Variants in LRP2 observed in about 807,000 individuals in gnomAD.
LRP2 encodes the protein LDL receptor related protein 2, also known as low-density lipoprotein receptor-related protein 2.
In LRP2, 172 loss-of-function variants were observed where a neutral mutation model predicts 531.0. That is an observed-to-expected ratio of 0.32 (90% CI 0.29 to 0.37). The LOEUF (loss-of-function observed/expected upper bound fraction) is 0.37. LRP2 is among the 10% of genes least tolerant of loss of function. LRP2 has a pLI of 1.00. For missense variants in LRP2, 5,167 were observed against 5,868.3 expected, an observed-to-expected ratio of 0.88 and a Z score of 3.90; for synonymous variants, 1,992 against 2,027.6, an observed-to-expected ratio of 0.98 and a Z score of 0.47.
Position 169,157,362 on chromosome 2 carries a change from A to G in LRP2, c.12019+9T>C, listed in dbSNP as rs1686369582. On this transcript the variant is annotated intron_variant, in intron 64 of 78. Coordinates refer to ENST00000649046, the MANE Select transcript of LRP2 (RefSeq NM_004525.3). ...CACCTAAACAGGAATTGGAAAAAAT[A>G]TACTCTACCTAGACAGGAGGTTCTG... The G allele has an allele frequency of 1.2e-6, 2 of 1,612,808 alleles. No individual in the cohort carries two copies. The highest frequency in any genetic ancestry group is 2.2e-5 in the South Asian group (2 of 91,008).
At chr2:169,303,445 AGGT>A (rs1410508648) in intron 4 of LRP2, among the ~76,000 whole-genome samples, 6 of 152,156 alleles carry the variant, frequency 3.9e-5, no homozygotes, top group Admixed American at 2.0e-4. Context: ...AAAGTGGGTA[AGGT>A]GGTGGCTGGT....
Position 169,185,527 on chromosome 2 carries a change from C to T in LRP2, c.9821G>A (p.Ser3274Asn), listed in dbSNP as rs780200412. The T allele has an allele frequency of 2.5e-6, 4 of 1,613,670 alleles. No homozygotes were observed. The highest frequency in any genetic ancestry group is 1.1e-5 in the South Asian group (1 of 91,082). The change falls in exon 50 of 79, where the codon AGT becomes AAT. Residue 3274 changes from serine to asparagine, a missense_variant. By Grantham distance (46) the Ser-to-Asn change is conservative. Around this residue, in one of 6 missense-constraint regions of LRP2, gnomAD observed 1,129 missense variants for 1,362.7 expected, o/e 0.83. Coordinates refer to ENST00000649046, the MANE Select transcript of LRP2 (RefSeq NM_004525.3). ...IINHRLPAAE[S>N]LAVDWVSRKL... Reference sequence around the variant, plus strand: ...CCTGGAAACCCAGTCTACAGCCAGACTTTCTGCAGCTGGTAGTCTGTGGTT... The same window carrying T: ...CCTGGAAACCCAGTCTACAGCCAGATTTTCTGCAGCTGGTAGTCTGTGGTT...
At chr2:169,142,595 A>G in intron 71 of LRP2, 79 bp downstream of exon 71, 1 of 1,597,026 alleles carries the variant, frequency 6.3e-7, no homozygotes, top group Non-Finnish European at 8.6e-7. Flanking sequence ...AGGACCCAGC[A>G]TACAGGGATT....
intron 75 of LRP2, among the ~76,000 whole-genome samples, chr2:169,138,247 C>A (rs1163254217): frequency 7.2e-5 from 11 of 152,134 alleles, no homozygotes; most frequent in Admixed American, 7.2e-4. Context: ...ATATAAAAGT[C>A]ATCAAATAAA....
intron 1 of LRP2, among the ~76,000 whole-genome samples, chr2:169,325,625 T>G (rs981536583): frequency 6.6e-6 from 1 of 152,174 alleles, no homozygotes; most frequent in Non-Finnish European, 1.5e-5. Context: ...GGTAACAAAT[T>G]GTATGGAGCA....
At chr2:169,140,693 G>C (rs901448295) in intron 71 of LRP2, 148 bp from the exon 72 acceptor site, 16 of 635,236 alleles carry the variant, frequency 2.5e-5, no homozygotes, top group Non-Finnish European at 4.2e-5. Flanking sequence ...CCTAAGTCCA[G>C]TGAGTTTCCT....
intron 4 of LRP2, among the ~76,000 whole-genome samples, chr2:169,302,014 T>C (rs1434135206): frequency 6.6e-6 from 1 of 152,128 alleles, no homozygotes; most frequent in Non-Finnish European, 1.5e-5. Flanking sequence ...AATATATTCA[T>C]TCCTATAGGC....
At chr2:169,247,092 C>T in intron 20 of LRP2, 106 bp from the exon 21 acceptor site, 1 of 1,320,912 alleles carries the variant, frequency 7.6e-7, no homozygotes, top group Non-Finnish European at 1.1e-6. Context: ...TTTTTCAGAC[C>T]CAATACTAAA....
chr2:169,171,514 G>A (rs4497843), intron 58 of LRP2, among the ~76,000 whole-genome samples: 15,086 of 152,104 alleles, frequency 0.099, 1,221 homozygotes, highest in African/African-American at 0.23. Context: ...TTAATTAACT[G>A]TTAGCCCTCC....
At position 169,311,566 on chromosome 2, in the gene LRP2, A is replaced by G. The variant is rs192510864; in HGVS notation, c.311-4169T>C. 3.9e-3 allele frequency among the ~76,000 whole-genome samples: 595 copies of G among 152,306 alleles called. 4 individuals are homozygous for G. Among genetic ancestry groups the G allele is most frequent in the African/African-American group, 0.014 (573 of 41,574 alleles). On this transcript the variant is annotated intron_variant, in intron 3 of 78. Transcript: ENST00000649046. ...TTGATTGCACTGTGGTCTGAGAGACAGTTTGTTATAATTTCTGTCCTTTTA... is the reference window on the plus strand; with the variant it reads ...TTGATTGCACTGTGGTCTGAGAGACGGTTTGTTATAATTTCTGTCCTTTTA...
At chr2:169,220,623 G>GGAAAC in intron 33 of LRP2, 60 bp from the exon 34 acceptor site, 1 of 1,103,586 alleles carries the variant, frequency 9.1e-7, no homozygotes, top group Non-Finnish European at 1.4e-6. Flanking sequence ...AGGAAACTGA[G>GGAAAC]ATGAAGGAGA....
rs376303948 is a variant in LRP2 at position 169,209,900 on chromosome 2, C to T, written c.6281-259G>A. On this transcript the variant is annotated intron_variant, in intron 37 of 78. Coordinates refer to ENST00000649046, the MANE Select transcript of LRP2 (RefSeq NM_004525.3). The stretch of plus-strand genomic sequence containing the variant: ...GGGAAGGTACGAAGTGAGTGTGAAA[C>T]ATCTTATTGTACCAAGAAACAAGGC... Among the ~76,000 whole-genome samples, 6 of 152,070 alleles carry T rather than the reference C, an allele frequency of 3.9e-5. No homozygotes were observed. In the East Asian group the frequency reaches 9.6e-4, roughly 24 times the overall value.
At chr2:169,314,850 T>C (rs1370907803) in intron 3 of LRP2, among the ~76,000 whole-genome samples, 1 of 152,236 alleles carries the variant, frequency 6.6e-6, no homozygotes, top group African/African-American at 2.4e-5. Flanking sequence ...TACTTCCTCA[T>C]TAAATTTCCA....
At chr2:169,350,044 C>A (rs560674779) in intron 1 of LRP2, among the ~76,000 whole-genome samples, 1 of 152,256 alleles carries the variant, frequency 6.6e-6, no homozygotes, top group East Asian at 1.9e-4. Flanking sequence ...TCGGTTGAAT[C>A]AGGGTGGCAG....
chr2:169,313,844 G>C (rs535477840), intron 3 of LRP2, among the ~76,000 whole-genome samples: 6 of 152,156 alleles, frequency 3.9e-5, no homozygotes, highest in African/African-American at 1.4e-4. Flanking sequence ...CTCCCAAAGC[G>C]CTAGGATTTG....
In LRP2 at chr2:169,206,488, G is replaced by A; in HGVS notation, c.7232C>T (p.Pro2411Leu). Residue 2411 changes from proline to leucine, a missense_variant, in exon 39 of 79, where the codon CCT becomes CTT. Transcript: ENST00000649046. Reference protein sequence around the residue: ...LHLDPENHSPPFQTINVERTV... With the variant: ...LHLDPENHSPLFQTINVERTV... ...TCTTTCCACATTTATTGTTTGGAAA[G>A]GTGGGCTATGGTTTTCAGGGTCCAA... is the stretch of plus-strand genomic sequence containing the variant. 6.2e-7 allele frequency: 1 copy of A among 1,614,184 alleles called. No individual in the cohort carries two copies. Among genetic ancestry groups the A allele is most frequent in the East Asian group, 2.2e-5 (1 of 44,880 alleles).
intron 1 of LRP2, among the ~76,000 whole-genome samples, chr2:169,337,039 C>T (rs753398045): frequency 3.6e-4 from 55 of 152,204 alleles, no homozygotes; most frequent in Non-Finnish European, 6.6e-4. Context: ...GTCCCACCTC[C>T]GCCTGACTTC....
intron 62 of LRP2, 137 bp downstream of exon 62, chr2:169,165,795 A>G (rs1686759848): frequency 9.4e-6 from 10 of 1,066,558 alleles, no homozygotes; most frequent in South Asian, 1.3e-5. Flanking sequence ...ATGGTCTTGT[A>G]AACAATTATG....
intron 40 of LRP2, 121 bp from the exon 41 acceptor site, chr2:169,205,758 T>C (rs1436094553): frequency 1.3e-5 from 14 of 1,052,444 alleles, no homozygotes; most frequent in Non-Finnish European, 2.0e-5. Context: ...AGAAACTTCA[T>C]TTCTACTTAC....
Sources: gnomAD v4.1 joint callset for allele counts (sites outside exome capture counted in the v4.1 genomes callset) on GRCh38, gnomAD v4.1.1 for gene constraint, gnomAD v4.1.1 regional missense constraint, MANE v1.5 for transcripts, NCBI Gene and HGNC (gene_info 2026-07-23, HGNC 2026-07-21) for gene names.